NID1: variants seen among roughly 807,000 people sequenced by gnomAD.
NID1 encodes the protein nidogen-1.
A neutral mutation model predicts 130.6 loss-of-function variants in NID1; 76 were observed. The ratio of observed to expected loss-of-function variants is 0.58; its 90% CI spans 0.48 to 0.70. The LOEUF is 0.70. Ranked by LOEUF, NID1 falls within the 30% of genes least tolerant of loss-of-function variation. The probability of loss-of-function intolerance (pLI) is 0.00; values close to 1 mark genes in which losing one functional copy is unlikely to be tolerated. For missense variants in NID1, 1,517 were observed against 1,664.8 expected (o/e 0.91, Z 1.54); for synonymous variants, 665 against 675.1 (o/e 0.98, Z 0.23).
chr1:235,983,869 G>A (rs192248393), intron 15 of NID1, among the ~76,000 whole-genome samples: 1 of 152,008 alleles, frequency 6.6e-6, no homozygotes, highest in Non-Finnish European at 1.5e-5. Flanking sequence ...CCTGGGATCC[G>A]GGCTGTTATG....
chr1:236,028,821 C>T (rs147896405), intron 7 of NID1, among the ~76,000 whole-genome samples: 126 of 152,024 alleles, frequency 8.3e-4, no homozygotes, highest in African/African-American at 2.8e-3. Context: ...TCAGTTTTCA[C>T]GTAAGTTTGA....
intron 12 of NID1, among the ~76,000 whole-genome samples, chr1:235,995,132 C>T (rs1018017722): frequency 2.0e-5 from 3 of 152,192 alleles, no homozygotes; most frequent in African/African-American, 7.2e-5. Context: ...CAACCAACTA[C>T]AGATTGAAAA....
intron 5 of NID1, among the ~76,000 whole-genome samples, chr1:236,034,422 C>CAAAAAAAAAA (rs144657585): frequency 0.018 from 1,659 of 92,292 alleles, 43 homozygotes; most frequent in African/African-American, 0.059. Context: ...AACTCCATCT[C>CAAAAAAAAAA]AAAAAAAAAA....
intron 13 of NID1, among the ~76,000 whole-genome samples, chr1:235,992,265 C>T (rs1406026942): frequency 1.3e-5 from 2 of 152,192 alleles, no homozygotes; most frequent in Non-Finnish European, 2.9e-5. Context: ...CAATCGGTGA[C>T]ACAAACCAAT....
intron 2 of NID1, 71 bp from the exon 3 acceptor site, chr1:236,045,754 A>C (rs1338982469): frequency 8.1e-7 from 1 of 1,230,200 alleles, no homozygotes; most frequent in Non-Finnish European, 1.2e-6. Context: ...TATTCGCCAG[A>C]CTATCTATAA....
intron 6 of NID1, 53 bp downstream of exon 6, chr1:236,032,347 TC>T: frequency 6.3e-7 from 1 of 1,579,028 alleles, no homozygotes; most frequent in Middle Eastern, 2.2e-4. Context: ...TCCCCAGGCC[TC>T]CCCCTAGGCA....
chr1:236,041,386 TC>T (rs763896337), intron 4 of NID1, among the ~76,000 whole-genome samples: 1 of 152,070 alleles, frequency 6.6e-6, no homozygotes, highest in Non-Finnish European at 1.5e-5. Flanking sequence ...TTAAAGAGTA[TC>T]TACTTTGATA....
intron 1 of NID1, among the ~76,000 whole-genome samples, chr1:236,057,691 G>A (rs1659932762): frequency 6.7e-6 from 1 of 148,616 alleles, no homozygotes; most frequent in Non-Finnish European, 1.5e-5. Flanking sequence ...GAGTAAGACT[G>A]AAAGAAAGAA....
chr1:235,980,036 A>C, intron 17 of NID1, 91 bp from the exon 18 acceptor site: 11 of 1,412,564 alleles, frequency 7.8e-6, no homozygotes, highest in Non-Finnish European at 1.0e-5. Flanking sequence ...CAAGAGTGGG[A>C]GAAATTAAGC....
chr1:236,032,384 T>G lies in NID1; in HGVS notation c.1537+17A>C. The G allele has an allele frequency of 6.2e-7, 1 of 1,611,668 alleles. No homozygotes were observed. Among genetic ancestry groups the G allele is most frequent in the African/African-American group, 1.3e-5 (1 of 75,000 alleles). ...CTACTGTGTGACCCACTAATTTTAA[T>G]GTCGGATATAAATTACCGGTGATGC... On this transcript the variant is annotated intron_variant, in intron 6 of 19. Coordinates refer to ENST00000264187, the MANE Select transcript of NID1 (RefSeq NM_002508.3).
At chr1:236,057,637 G>T (rs1210489465) in intron 1 of NID1, among the ~76,000 whole-genome samples, 2 of 151,888 alleles carry the variant, frequency 1.3e-5, no homozygotes, top group African/African-American at 2.4e-5. Flanking sequence ...GGCTGAGGGT[G>T]CAGTGAGCCG....
chr1:236,030,780 G>T (rs1158121140), intron 6 of NID1, among the ~76,000 whole-genome samples: 1 of 152,232 alleles, frequency 6.6e-6, no homozygotes, highest in African/African-American at 2.4e-5. Context: ...GAGAAATTCA[G>T]AAGGATCATT....
At chr1:236,038,346 G>T in intron 4 of NID1, 93 bp from the exon 5 acceptor site, 2 of 1,333,094 alleles carry the variant, frequency 1.5e-6, no homozygotes, top group Non-Finnish European at 1.0e-6. Flanking sequence ...GCACTGCAGG[G>T]ACTCACACCT....
At chr1:236,003,046 AGTTATCACTG>A (rs1658125023) in intron 12 of NID1, among the ~76,000 whole-genome samples, 1 of 152,044 alleles carries the variant, frequency 6.6e-6, no homozygotes, top group Non-Finnish European at 1.5e-5. Flanking sequence ...TCCTGCTGCT[AGTTATCACTG>A]GTTATCACTC....
intron 14 of NID1, among the ~76,000 whole-genome samples, chr1:235,986,497 A>T (rs1420327958): frequency 6.6e-6 from 1 of 152,218 alleles, no homozygotes; most frequent in Non-Finnish European, 1.5e-5. Context: ...TCCACAATGA[A>T]TACTATAAAA....
intron 4 of NID1, 112 bp downstream of exon 4, chr1:236,041,798 T>C: frequency 7.2e-7 from 1 of 1,382,678 alleles, no homozygotes; most frequent in South Asian, 1.4e-5. Context: ...CCCAAGCTCT[T>C]ATCTTTACAA....
intron 11 of NID1, 85 bp downstream of exon 11, chr1:236,013,326 G>A: frequency 7.0e-7 from 1 of 1,427,060 alleles, no homozygotes; most frequent in Non-Finnish European, 9.7e-7. Context: ...CTATTTGGGA[G>A]TGAGTTGGTG....
In NID1 at chr1:236,039,577, TAGAATCA is replaced by T. The variant is rs1258506473; in HGVS notation, c.1136-1331_1136-1325del. 1.6e-4 allele frequency among the ~76,000 whole-genome samples: 25 copies of T among 152,288 alleles called. No homozygotes were observed. In the East Asian group the frequency reaches 3.9e-3, roughly 23 times the overall value. On this transcript the variant is annotated intron_variant, in intron 4 of 19. Coordinates refer to ENST00000264187, the MANE Select transcript of NID1 (RefSeq NM_002508.3). ...TTTCCACATTCCAACTTTGTTTTAT[TAGAATCA>T]TGAACTAGCTCATTATATTTAATAA...
chr1:236,036,525 A>G (rs1277768817), intron 5 of NID1, among the ~76,000 whole-genome samples: 2 of 152,352 alleles, frequency 1.3e-5, no homozygotes, highest in South Asian at 2.1e-4. Flanking sequence ...TAAACACACA[A>G]GGAAAATGAC....
Sources: gnomAD v4.1 joint callset for allele counts (sites outside exome capture counted in the v4.1 genomes callset) on GRCh38, gnomAD v4.1.1 for gene constraint, MANE v1.5 for transcripts, NCBI Gene and HGNC (gene_info 2026-07-23, HGNC 2026-07-21) for gene names.